KIRREL1: variants seen among roughly 807,000 people sequenced by gnomAD.
KIRREL1 encodes the protein kirre like nephrin family adhesion molecule 1.
Under a neutral mutation model 83.3 loss-of-function variants are expected in KIRREL1, and 25 were observed. The ratio of observed to expected loss-of-function variants is 0.30; its 90% CI spans 0.22 to 0.42. The LOEUF is 0.42. Ranked by LOEUF, KIRREL1 falls within the 10% of genes least tolerant of loss-of-function variation. KIRREL1 has a pLI of 1.00. For missense variants in KIRREL1, 812 were observed against 1,032.3 expected (o/e 0.79, Z 2.92); for synonymous variants, 388 against 410.4 (o/e 0.95, Z 0.66).
intron 1 of KIRREL1, among the ~76,000 whole-genome samples, chr1:158,058,997 G>C (rs554657612): frequency 6.6e-6 from 1 of 152,250 alleles, no homozygotes; most frequent in South Asian, 2.1e-4. Flanking sequence ...CGGAGGGAGA[G>C]ATCCCTGCTC....
chr1:158,056,936 G>T (rs1325946046), intron 1 of KIRREL1, among the ~76,000 whole-genome samples: 1 of 152,052 alleles, frequency 6.6e-6, no homozygotes, highest in East Asian at 1.9e-4. Context: ...CTTCTGCCAG[G>T]ATATGGAGGT....
At position 158,095,731 on chromosome 1, in the gene KIRREL1, C is replaced by T. The variant is rs1053135615; in HGVS notation, c.*611C>T. On this transcript the variant is annotated 3_prime_UTR_variant, in exon 15 of 15. Transcript: ENST00000359209. The stretch of plus-strand genomic sequence containing the variant: ...CTTCATTCAGCTGGGATCAAAATGC[C>T]AGTCACCTTGGCTACCCACTGTGGA... The T allele has an allele frequency of 6.6e-6, 1 of 152,302 alleles. No individual in the cohort carries two copies. Among genetic ancestry groups the T allele is most frequent in the East Asian group, 1.9e-4 (1 of 5,188 alleles). The allele number at this position is 152,302 out of a possible 1,614,324, so 9.4% of individuals were successfully genotyped here.
intron 1 of KIRREL1, among the ~76,000 whole-genome samples, chr1:158,043,168 C>A (rs11264883): frequency 0.99 from 150,695 of 151,546 alleles, 74,929 homozygotes; most frequent in Middle Eastern, 1. Flanking sequence ...GGAAGCAGTG[C>A]TGGAGAGAGG....
chr1:158,069,138 A>T (rs1434942674), intron 1 of KIRREL1, among the ~76,000 whole-genome samples: 4 of 152,060 alleles, frequency 2.6e-5, no homozygotes. Flanking sequence ...TGGGAACATG[A>T]CCATCAGGGC....
chr1:158,006,758 A>G (rs1659529691), intron 1 of KIRREL1, among the ~76,000 whole-genome samples: 1 of 151,908 alleles, frequency 6.6e-6, no homozygotes. Context: ...GGCCTGAGGG[A>G]CCCTCCTCCT....
At chr1:158,090,682 C>A (rs1214996573) in intron 10 of KIRREL1, among the ~76,000 whole-genome samples, 1 of 152,176 alleles carries the variant, frequency 6.6e-6, no homozygotes, top group African/African-American at 2.4e-5. Context: ...TCCAGGAATA[C>A]CCCGTTGTGG....
chr1:158,001,196 G>A (rs1293125276), intron 1 of KIRREL1, among the ~76,000 whole-genome samples: 1 of 152,156 alleles, frequency 6.6e-6, no homozygotes, highest in South Asian at 2.1e-4. Context: ...AAAGAGGAAG[G>A]ACTTTTGTTC....
intron 1 of KIRREL1, among the ~76,000 whole-genome samples, chr1:158,024,698 G>T (rs972808333): frequency 4.6e-5 from 7 of 152,108 alleles, no homozygotes; most frequent in Admixed American, 4.6e-4. Flanking sequence ...AAAACATAAC[G>T]GTTTATAGAG....
intron 1 of KIRREL1, among the ~76,000 whole-genome samples, chr1:158,022,230 A>C (rs1330810718): frequency 6.6e-6 from 1 of 152,188 alleles, no homozygotes; most frequent in Non-Finnish European, 1.5e-5. Context: ...TTATCATCCA[A>C]ATGAGACCAG....
chr1:158,029,337 C>G (rs889305237), intron 1 of KIRREL1, among the ~76,000 whole-genome samples: 1 of 69,262 alleles, frequency 1.4e-5, no homozygotes, highest in Non-Finnish European at 3.4e-5. Flanking sequence ...TAACAAAAAC[C>G]TGTGTGTGTG....
intron 1 of KIRREL1, among the ~76,000 whole-genome samples, chr1:158,046,882 A>G (rs1660792956): frequency 6.6e-6 from 1 of 152,176 alleles, no homozygotes; most frequent in South Asian, 2.1e-4. Context: ...TGCTTTTGCT[A>G]TAAAGGAGAG....
chr1:158,035,987 A>C lies in KIRREL1; in HGVS notation c.53-40126A>C, dbSNP rs76160929. The stretch of plus-strand genomic sequence containing the variant: ...TCCAGGGGTGGATTTATGCATTGAC[A>C]GAGTTTACCATCATCCTTCAATTCT... On this transcript the variant is annotated intron_variant, in intron 1 of 14. Coordinates refer to ENST00000359209, the MANE Select transcript of KIRREL1 (RefSeq NM_018240.7). Among the ~76,000 whole-genome samples, 579 of 152,338 alleles carry C rather than the reference A, an allele frequency of 3.8e-3. 3 individuals are homozygous for C. The highest frequency in any genetic ancestry group is 0.013 in the African/African-American group (538 of 41,580).
chr1:158,011,876 G>C (rs1442417242), intron 1 of KIRREL1, among the ~76,000 whole-genome samples: 2 of 152,102 alleles, frequency 1.3e-5, no homozygotes, highest in African/African-American at 4.8e-5. Flanking sequence ...TCCCCTCTGT[G>C]GTCAGCATCT....
At chr1:158,011,790 TGGA>T (rs1659695901) in intron 1 of KIRREL1, among the ~76,000 whole-genome samples, 1 of 152,208 alleles carries the variant, frequency 6.6e-6, no homozygotes, top group African/African-American at 2.4e-5. Context: ...GGAAGGAGCC[TGGA>T]GGAGAAGCAG....
intron 1 of KIRREL1, among the ~76,000 whole-genome samples, chr1:158,027,581 T>C (rs1390081391): frequency 6.6e-6 from 1 of 152,210 alleles, no homozygotes; most frequent in Non-Finnish European, 1.5e-5. Flanking sequence ...CAGCCACCAG[T>C]CAATTCATTA....
intron 1 of KIRREL1, among the ~76,000 whole-genome samples, chr1:158,002,703 A>G (rs1014580884): frequency 1.8e-4 from 28 of 152,202 alleles, no homozygotes; most frequent in African/African-American, 6.8e-4. Flanking sequence ...AGGTATGTGA[A>G]AAATGCTGAA....
intron 1 of KIRREL1, among the ~76,000 whole-genome samples, chr1:158,010,361 A>ACACC (rs1491267940): frequency 0.022 from 1,112 of 51,590 alleles, 27 homozygotes; most frequent in African/African-American, 0.048. Context: ...ACACACACAC[A>ACACC]CCCCACACAG....
chr1:158,000,793 G>A (rs1659339815), intron 1 of KIRREL1, among the ~76,000 whole-genome samples: 1 of 152,090 alleles, frequency 6.6e-6, no homozygotes, highest in African/African-American at 2.4e-5. Context: ...AACAAAATAG[G>A]CATCGTATTG....
intron 1 of KIRREL1, among the ~76,000 whole-genome samples, chr1:158,030,539 G>A (rs1364304518): frequency 6.6e-6 from 1 of 152,136 alleles, no homozygotes; most frequent in East Asian, 1.9e-4. Flanking sequence ...CCAGGCCGTC[G>A]CATATCTTAG....
Sources: gnomAD v4.1 joint callset for allele counts (sites outside exome capture counted in the v4.1 genomes callset) on GRCh38, gnomAD v4.1.1 for gene constraint, MANE v1.5 for transcripts, NCBI Gene and HGNC (gene_info 2026-07-23, HGNC 2026-07-21) for gene names.